EIF5A: variants seen among roughly 807,000 people sequenced by gnomAD.
EIF5A encodes the protein eukaryotic translation initiation factor 5A-1.
Under a neutral mutation model 16.6 loss-of-function variants are expected in EIF5A, and 1 was observed. The ratio of observed to expected loss-of-function variants is 0.06; its 90% CI spans 0.02 to 0.28. EIF5A has a LOEUF of 0.28. EIF5A is among the 10% of genes least tolerant of loss of function. The pLI is 1.00. For missense variants in EIF5A, 29 were observed against 196.1 expected (o/e 0.15, Z 5.09); for synonymous variants, 80 against 73.6 (o/e 1.09, Z -0.44).
chr17:7,310,252 C>A, intron 2 of EIF5A: 1 of 1,289,762 alleles, frequency 7.8e-7, no homozygotes, highest in Non-Finnish European at 1.0e-6. Context: ...CTTGCTGCTT[C>A]GTTCCCCAGT....
Position 7,312,099 on chromosome 17 carries a change from G to A in EIF5A, c.*289G>A, listed in dbSNP as rs1441833452. 5 of 150,924 alleles carry A rather than the reference G, an allele frequency of 3.3e-5. No homozygotes were observed. Among genetic ancestry groups the A allele is most frequent in the African/African-American group, 1.1e-4 (4 of 35,074 alleles). 9.3% of individuals were successfully genotyped at this position (150,924 alleles called of 1,614,324 possible). A position where few individuals can be genotyped will look rare whatever the true frequency, so the allele number is the denominator to read the frequency against. On this transcript the variant is annotated 3_prime_UTR_variant, in exon 6 of 6. Coordinates refer to ENST00000336458, the MANE Select transcript of EIF5A (RefSeq NM_001970.5). ...GGGGAGAAGGGGGTGGGTGCTGCTTGTGGTTTAGTCTTTTTTTTTTTTTTT... is the reference window on the plus strand; with the variant it reads ...GGGGAGAAGGGGGTGGGTGCTGCTTATGGTTTAGTCTTTTTTTTTTTTTTT...
intron 2 of EIF5A, 52 bp downstream of exon 2, chr17:7,309,852 G>C (rs749209929): frequency 6.2e-7 from 1 of 1,614,056 alleles, no homozygotes; most frequent in Admixed American, 1.7e-5. Context: ...AGTATCTTTG[G>C]CGCTCCCAGC....
chr17:7,309,954 C>G lies in EIF5A; in HGVS notation c.165+154C>G, dbSNP rs2072764810. 1.2e-5 allele frequency: 18 copies of G among 1,549,960 alleles called. No individual in the cohort carries two copies. In the East Asian group the frequency reaches 4.1e-4, roughly 35 times the overall value. On this transcript the variant is annotated intron_variant, in intron 2 of 5. Transcript: ENST00000336458. ...CGCTCAGCCTTCATACCCATTCAGA[C>G]AACTACACCTGCTCCCCAGTCTTCA...
chr17:7,310,374 G>C lies in EIF5A; in HGVS notation c.165+574G>C, dbSNP rs2072783162. 16 of 1,205,164 alleles carry C rather than the reference G, an allele frequency of 1.3e-5. No individual in the cohort carries two copies. In the South Asian group the frequency reaches 2.3e-4, roughly 17 times the overall value. The allele number at this position is 1,205,164 out of a possible 1,614,324, so 74.7% of individuals were successfully genotyped here. ...TGCTTTCATGGGTTTTAACATTCTT[G>C]CTAGCACTTCCCTCATCACCTCAGA... On this transcript the variant is annotated intron_variant, in intron 2 of 5. Transcript: ENST00000336458.
chr17:7,311,445 G>A lies in EIF5A; in HGVS notation c.366G>A (p.Glu122=). 6.2e-7 allele frequency: 1 copy of A among 1,614,166 alleles called. No individual in the cohort carries two copies. Among genetic ancestry groups the A allele is most frequent in the Non-Finnish European group, 8.5e-7 (1 of 1,180,020 alleles). The change falls in exon 4 of 6, where the codon GAG becomes GAA. Residue 122 remains glutamate, a synonymous_variant. Transcript: ENST00000336458. Reference sequence around the variant, plus strand: ...TCCCTGAGGGAGACCTTGGCAAGGAGATTGAGCAGAAGTACGACTGTGGAG... The same window carrying A: ...TCCCTGAGGGAGACCTTGGCAAGGAAATTGAGCAGAAGTACGACTGTGGAG... The part of the protein sequence containing the change: ...LRLPEGDLGK[E]IEQKYDCGEE...
rs914457728 is a variant in EIF5A at position 7,308,641 on chromosome 17, C to T, written c.-22+889C>T. 5 of 1,316,780 alleles carry T rather than the reference C, an allele frequency of 3.8e-6. No homozygotes were observed. In the African/African-American group the frequency reaches 7.5e-5, roughly 20 times the overall value. The allele number at this position is 1,316,780 out of a possible 1,614,324, so 81.6% of individuals were successfully genotyped here. ...GGAAACAGGGCGTTTGGACAGGAGCCCAACTTTTCTGTCGGCCTGGGTGGA... is the reference window on the plus strand; with the variant it reads ...GGAAACAGGGCGTTTGGACAGGAGCTCAACTTTTCTGTCGGCCTGGGTGGA... On this transcript the variant is annotated intron_variant, in intron 1 of 5. Coordinates refer to ENST00000336458, the MANE Select transcript of EIF5A (RefSeq NM_001970.5).
At position 7,311,488 on chromosome 17, in the gene EIF5A, T is replaced by C. The variant is rs747407301; in HGVS notation, c.402+7T>C. On this transcript the variant is annotated splice_region_variant and intron_variant, in intron 4 of 5. Coordinates refer to ENST00000336458, the MANE Select transcript of EIF5A (RefSeq NM_001970.5). Reference sequence around the variant, plus strand: ...CTGTGGAGAAGAGATCCTGGTATGGTGCCTCCCTCCCTGCTTCTGTGCTCA... The same window carrying C: ...CTGTGGAGAAGAGATCCTGGTATGGCGCCTCCCTCCCTGCTTCTGTGCTCA... 36 of 1,614,002 alleles carry C rather than the reference T, an allele frequency of 2.2e-5. No homozygotes were observed. The highest frequency in any genetic ancestry group is 8.5e-7 in the Non-Finnish European group (1 of 1,180,008).
rs766469560 is a variant in EIF5A, at chr17:7,308,526, C to T, written c.-22+774C>T. On this transcript the variant is annotated intron_variant, in intron 1 of 5. Transcript: ENST00000336458. Reference sequence around the variant, plus strand: ...TAGCGCTTCCCAACCTCAAGGGCCCCAGGAGCTTTCCTGAAAAACCCTCCT... The same window carrying T: ...TAGCGCTTCCCAACCTCAAGGGCCCTAGGAGCTTTCCTGAAAAACCCTCCT... The T allele has an allele frequency of 1.1e-5, 15 of 1,351,516 alleles. 1 individual carries two copies. The highest frequency in any genetic ancestry group is 2.1e-4 in the Middle Eastern group (1 of 4,784). 83.7% of individuals were successfully genotyped at this position (1,351,516 alleles called of 1,614,324 possible).
chr17:7,308,503 G>C (rs1053467176), intron 1 of EIF5A: 17 of 1,351,090 alleles, frequency 1.3e-5, no homozygotes, highest in Non-Finnish European at 1.7e-5. Flanking sequence ...GCATATGTTA[G>C]CGCTTCCCAA....
chr17:7,308,716 C>A, intron 1 of EIF5A: 1 of 616,090 alleles, frequency 1.6e-6, no homozygotes, highest in South Asian at 1.8e-5. Flanking sequence ...GATAGGCGTT[C>A]TTCACCTTGT....
chr17:7,310,824 G>C, intron 2 of EIF5A, 194 bp from the exon 3 acceptor site: 1 of 985,338 alleles, frequency 1.0e-6, no homozygotes, highest in South Asian at 4.7e-5. Context: ...AATCTCAACG[G>C]TGGTTTTTTA....
At chr17:7,307,374 G>A (rs2072653986), upstream of EIF5A, 4 of 1,237,576 alleles carry the variant, frequency 3.2e-6, no homozygotes, top group South Asian at 5.5e-5. Context: ...TCTATCAAGG[G>A]GAGGGAAGAT....
chr17:7,308,264 C>T (rs2072692246), intron 1 of EIF5A: 1 of 1,051,648 alleles, frequency 9.5e-7, no homozygotes, highest in Non-Finnish European at 1.2e-6. Context: ...AGGCTGCCCT[C>T]GGGGTCGCAG....
chr17:7,308,757 G>A (rs2072717298), intron 1 of EIF5A, among the ~76,000 whole-genome samples: 1 of 152,152 alleles, frequency 6.6e-6, no homozygotes. Context: ...TGGTTTGGGA[G>A]TTCCACGGTT....
chr17:7,307,077 A>G (rs1454183543), upstream of EIF5A: 4 of 1,604,768 alleles, frequency 2.5e-6, no homozygotes, highest in Non-Finnish European at 2.6e-6. Flanking sequence ...TGATTCCAAG[A>G]CAAGGCGCCC....
At position 7,311,059 on chromosome 17, in the gene EIF5A, T is replaced by C. The variant is rs775952234; in HGVS notation, c.207T>C (p.Tyr69=). ...TTGACATCTTTACTGGGAAGAAATA[T>C]GAAGATATCTGCCCGTCAACTCATA... is the stretch of plus-strand genomic sequence containing the variant. ...VGIDIFTGKK[Y]EDICPSTHNM... is the part of the protein sequence containing the mutation. Residue 69 remains tyrosine (Y), a synonymous_variant, in exon 3 of 6, where the codon TAT becomes TAC. Coordinates refer to ENST00000336458, the MANE Select transcript of EIF5A (RefSeq NM_001970.5). 27 of 1,613,810 alleles carry C rather than the reference T, an allele frequency of 1.7e-5. No individual in the cohort carries two copies. Among genetic ancestry groups the C allele is most frequent in the Non-Finnish European group, 2.1e-5 (25 of 1,179,824 alleles).
upstream of EIF5A, chr17:7,307,316 A>G (rs2072652712): frequency 2.5e-6 from 3 of 1,176,578 alleles, no homozygotes; most frequent in East Asian, 5.7e-5. Flanking sequence ...TGTGGAGTGC[A>G]GGGCTCCTTA....
At chr17:7,307,421 C>T (rs1037753606), upstream of EIF5A, 1 of 1,085,986 alleles carries the variant, frequency 9.2e-7, no homozygotes. Context: ...TGCGCCTGCG[C>T]GTTGCAGATT....
upstream of EIF5A, chr17:7,307,107 C>T (rs750009572): frequency 1.9e-6 from 3 of 1,599,704 alleles, no homozygotes; most frequent in Middle Eastern, 1.6e-4. Context: ...AGCAAGTTTT[C>T]TGAAACGTGT....
Sources: allele counts gnomAD v4.1 joint callset (sites outside exome capture counted in the v4.1 genomes callset), GRCh38; gene constraint gnomAD v4.1.1; transcripts MANE v1.5; gene names NCBI Gene and HGNC (gene_info 2026-07-23, HGNC 2026-07-21).